Variants in TTN observed in about 807,000 individuals in gnomAD.
TTN encodes connectin.
In TTN, 1,525 loss-of-function variants were observed where a neutral mutation model predicts 3,223.0. That is an observed-to-expected ratio of 0.47 (90% confidence interval 0.45 to 0.49). The LOEUF (loss-of-function observed/expected upper bound fraction) is 0.49, where lower values mean the gene tolerates loss of function less well. TTN is among the 20% of genes least tolerant of loss of function. TTN has a pLI of 0.00. For synonymous variants in TTN, 14,094 were observed against 15,161.0 expected, an observed-to-expected ratio of 0.93 and a Z score of 5.17; for missense variants, 40,786 against 43,424.0, an observed-to-expected ratio of 0.94 and a Z score of 5.40.
intron 4 of TTN, among the ~76,000 whole-genome samples, 193 bp from the exon 5 acceptor site, chr2:178,800,103 T>A (rs1207722756): frequency 6.6e-6 from 1 of 152,198 alleles, no homozygotes; most frequent in Admixed American, 6.5e-5. Context: ...AGATAAAAAT[T>A]TACTTAGAAT....
chr2:178,660,640 A>T (rs1414872719), intron 180 of TTN, among the ~76,000 whole-genome samples: 7 of 152,260 alleles, frequency 4.6e-5, no homozygotes, highest in South Asian at 2.1e-4. Context: ...TGTCTAAAAT[A>T]CCAAAAGCAA....
At position 178,573,855 on chromosome 2, in the gene TTN, T is replaced by C; in HGVS notation, c.72277A>G (p.Thr24093Ala). 2 of 1,611,390 alleles carry C rather than the reference T, an allele frequency of 1.2e-6. No individual in the cohort carries two copies. The highest frequency in any genetic ancestry group is 2.7e-5 in the African/African-American group (2 of 74,950). ...FSTNLVNKDS[T>A]RRDSGAYTLT... ...GTATAGGCACCACTATCCCTTCTTG[T>C]TGAATCTTTGTTTACCAGATTAGTA... The change falls in exon 326 of 363, where the codon ACA becomes GCA. Residue 24093 changes from threonine to alanine, a missense_variant. Thr to Ala is a moderately conservative substitution (Grantham distance 58). Coordinates refer to ENST00000589042, the MANE Select transcript of TTN (RefSeq NM_001267550.2).
At chr2:178,737,949 C>G (rs2081816182) in intron 49 of TTN, 133 bp downstream of exon 49, 1 of 1,117,992 alleles carries the variant, frequency 8.9e-7, no homozygotes, top group Admixed American at 2.6e-5. Context: ...GCAGTACCTA[C>G]CTACCATGTT....
chr2:178,757,421 A>G (rs1327284078), intron 45 of TTN, 121 bp downstream of exon 45: 2 of 1,239,656 alleles, frequency 1.6e-6, no homozygotes, highest in African/African-American at 3.0e-5. Context: ...ATGTTATTTT[A>G]TTAGTAAGTT....
rs1442322525 is a variant in TTN, at chr2:178,784,073, G to T, written c.2772C>A (p.Ala924=). The T allele has an allele frequency of 6.2e-7, 1 of 1,612,816 alleles. No individual in the cohort carries two copies. The highest frequency in any genetic ancestry group is 1.3e-5 in the African/African-American group (1 of 74,974). Residue 924 remains alanine (A), a synonymous_variant, in exon 16 of 363, where the codon GCC becomes GCA. Transcript: ENST00000589042. The part of the protein sequence containing the change: ...ERFEVLHGRE[A]KVTETARVPA... ...CAGCGGGTAACCAGTGACCAACCTTGGCTTCGCGTCCGTGCAGTACTTCAA... is the reference window on the plus strand; with the variant it reads ...CAGCGGGTAACCAGTGACCAACCTTTGCTTCGCGTCCGTGCAGTACTTCAA...
Position 178,566,526 on chromosome 2 carries a change from T to C in TTN, c.79606A>G (p.Ile26536Val). ...ICKADEEEWQIVTPQTGLRVT... is the reference protein window; with the variant it reads ...ICKADEEEWQVVTPQTGLRVT... ...CTCAGGCCAGTCTGTGGAGTAACTA[T>C]TTGCCATTCTTCTTCATCTGCTTTA... Residue 26536 changes from isoleucine to valine, a missense_variant, in exon 326 of 363, where the codon ATA (isoleucine) becomes GTA (valine). Transcript: ENST00000589042. 1 of 1,613,452 alleles carries C rather than the reference T, an allele frequency of 6.2e-7. No homozygotes were observed. The highest frequency in any genetic ancestry group is 8.5e-7 in the Non-Finnish European group (1 of 1,179,694).
chr2:178,617,561 T>A, intron 253 of TTN, 49 bp from the exon 254 acceptor site: 1 of 1,511,854 alleles, frequency 6.6e-7, no homozygotes, highest in African/African-American at 1.4e-5. Flanking sequence ...TAGTGACAAT[T>A]TATGAAAACA....
chr2:178,554,302 C>T (rs1035566386), intron 332 of TTN, 86 bp from the exon 333 acceptor site: 6 of 1,456,924 alleles, frequency 4.1e-6, no homozygotes, highest in Non-Finnish European at 5.6e-6. Context: ...TTTCCAAGAA[C>T]ATTGGTTTTA....
At position 178,599,025 on chromosome 2, in the gene TTN, G is replaced by A. The variant is rs375403059; in HGVS notation, c.56685C>T (p.Ser18895=). The change falls in exon 291 of 363, where the codon AGC becomes AGT. Residue 18895 remains serine (S), a synonymous_variant. Coordinates refer to ENST00000589042, the MANE Select transcript of TTN (RefSeq NM_001267550.2). ...PGAPDKPTVS[S]VTRNSMTVNW... ...TGACAGTCATGGAGTTACGAGTCAC[G>A]CTGCTAACTGTTGGTTTATCTGGTG... The A allele has an allele frequency of 9.4e-6, 15 of 1,590,468 alleles. No homozygotes were observed. Among genetic ancestry groups the A allele is most frequent in the South Asian group, 6.9e-5 (6 of 87,510 alleles).
At chr2:178,719,488 G>A (rs765023061) in intron 82 of TTN, 37 bp from the exon 83 acceptor site, 4 of 1,592,808 alleles carry the variant, frequency 2.5e-6, no homozygotes, top group Non-Finnish European at 3.4e-6. Context: ...TTAAAGAGAA[G>A]TTTTATTCTG....
At chr2:178,753,070 T>C in intron 47 of TTN, 54 bp downstream of exon 47, 3 of 1,467,524 alleles carry the variant, frequency 2.0e-6, no homozygotes, top group East Asian at 2.3e-5. Context: ...AACTCAAGGA[T>C]CCTATTAATC....
chr2:178,544,220 A>T lies in TTN; in HGVS notation c.96009T>A (p.Ile32003=), dbSNP rs774364063. 8.1e-6 allele frequency: 13 copies of T among 1,613,254 alleles called. No homozygotes were observed. In the South Asian group the frequency reaches 1.4e-4, roughly 18 times the overall value. ...AAATACCTATTCTTTCCACGGGCTC[A>T]ATTTCAGCAATTGATTCGCTGTATT... The part of the protein sequence containing the change: ...MSEYSESIAE[I]EPVERIEIPD... The change falls in exon 345 of 363, where the codon ATT becomes ATA. Residue 32003 remains isoleucine, a synonymous_variant. Transcript: ENST00000589042.
At chr2:178,799,279 G>T in intron 6 of TTN, 1 of 707,466 alleles carries the variant, frequency 1.4e-6, no homozygotes. Flanking sequence ...CTAGTAGGCA[G>T]ACACACAAGC....
Position 178,586,738 on chromosome 2 carries a change from A to G in TTN, c.64163T>C (p.Leu21388Ser). 1 of 1,613,156 alleles carries G rather than the reference A, an allele frequency of 6.2e-7. No individual in the cohort carries two copies. Among genetic ancestry groups the G allele is most frequent in the Admixed American group, 1.7e-5 (1 of 59,972 alleles). ...MTKNSATLAW[L>S]PPLRDGGAKI... ...AGCACCTCCATCACGTAGGGGAGGT[A>G]ACCAGGCTAAGGTGGCACTGTTCTT... Residue 21388 changes from leucine to serine, a missense_variant, in exon 308 of 363, where the codon TTA becomes TCA. Coordinates refer to ENST00000589042, the MANE Select transcript of TTN (RefSeq NM_001267550.2).
At position 178,677,264 on chromosome 2, in the gene TTN, C is replaced by T; in HGVS notation, c.34315G>A (p.Val11439Ile). 8.2e-7 allele frequency: 1 copy of T among 1,214,310 alleles called. No individual in the cohort carries two copies. Among genetic ancestry groups the T allele is most frequent in the Non-Finnish European group, 1.0e-6 (1 of 979,386 alleles). The allele number at this position is 1,214,310 out of a possible 1,614,324, so 75.2% of individuals were successfully genotyped here. Reference protein sequence around the residue: ...APVPEVPKKPVPEKKVPVPAP... With the variant: ...APVPEVPKKPIPEKKVPVPAP... ...GGAACAGGGACTTTCTTCTCTGGTA[C>T]AGGTTTCTTTGGCACTTCAGGCACT... The change falls in exon 147 of 363, where the codon GTA (valine) becomes ATA (isoleucine). Residue 11439 changes from valine (V) to isoleucine (I), a missense_variant. Physicochemically the swap from Val to Ile is conservative, Grantham distance 29. Coordinates refer to ENST00000589042, the MANE Select transcript of TTN (RefSeq NM_001267550.2).
chr2:178,559,922 C>T lies in TTN; in HGVS notation c.86210G>A (p.Ser28737Asn). ...TGCTATCTGAGGGTCAGAGCTATCA[C>T]TGGGGTCACTAGCACCAACCTTATT... ...SVNKVGASDP[S>N]DSSDPQIAKE... Residue 28737 changes from serine (S) to asparagine (N), a missense_variant, in exon 326 of 363, where the codon AGT becomes AAT. Ser to Asn is a conservative substitution (Grantham distance 46). Transcript: ENST00000589042. 6.2e-7 allele frequency: 1 copy of T among 1,613,742 alleles called. No individual in the cohort carries two copies.
At chr2:178,663,964 T>G in intron 169 of TTN, 51 bp downstream of exon 169, 1 of 1,612,352 alleles carries the variant, frequency 6.2e-7, no homozygotes, top group East Asian at 2.2e-5. Flanking sequence ...AAAAATATTG[T>G]CAAGAGCAGA....
chr2:178,616,947 G>GTGA lies in TTN; in HGVS notation c.47939_47941dup (p.Ile15980dup), dbSNP rs759011219. ...ATAGCCTGTACTTGGAACCAGGATC[G>GTGA]TGATAGGATTTGGGACAATAACTTC... On this transcript the variant is annotated inframe_insertion, in exon 256 of 363. Coordinates refer to ENST00000589042, the MANE Select transcript of TTN (RefSeq NM_001267550.2). 6.2e-7 allele frequency: 1 copy of GTGA among 1,612,552 alleles called. No homozygotes were observed. The highest frequency in any genetic ancestry group is 1.3e-5 in the African/African-American group (1 of 74,790).
At position 178,646,613 on chromosome 2, in the gene TTN, A is replaced by T; in HGVS notation, c.40223-54T>A. ...GGTTGCAATGTAAAGTTCTTCAAAA[A>T]GACTCATACAAATTTCACATTGATG... On this transcript the variant is annotated intron_variant, in intron 215 of 362. Coordinates refer to ENST00000589042, the MANE Select transcript of TTN (RefSeq NM_001267550.2). 8.5e-6 allele frequency: 9 copies of T among 1,058,352 alleles called. No homozygotes were observed. The South Asian group carries it at 1.2e-4, about 14-fold the overall frequency. 65.6% of individuals were successfully genotyped at this position (1,058,352 alleles called of 1,614,324 possible).
Sources: allele counts gnomAD v4.1 joint callset (sites outside exome capture counted in the v4.1 genomes callset), GRCh38; gene constraint gnomAD v4.1.1; transcripts MANE v1.5; gene names NCBI Gene and HGNC (gene_info 2026-07-23, HGNC 2026-07-21).